Variants in IFT25 observed in about 807,000 individuals in gnomAD.
IFT25 encodes the protein intraflagellar transport 25, also known as intraflagellar transport protein 25 homolog.
At chr1:53,919,551 G>GA in the IFT25 span, among the ~76,000 whole-genome samples, 1 of 152,140 alleles carries the variant, frequency 6.6e-6, no homozygotes, top group African/African-American at 2.4e-5. Flanking sequence ...GCACAAGCCA[G>GA]AAAAAAACTG....
chr1:53,915,440 T>A, the IFT25 span, among the ~76,000 whole-genome samples: 1 of 152,184 alleles, frequency 6.6e-6, no homozygotes, highest in Non-Finnish European at 1.5e-5. Context: ...TTTCAAAGGA[T>A]ACTTGGGCCA....
At chr1:53,933,500 C>A in the IFT25 span, among the ~76,000 whole-genome samples, 1 of 152,174 alleles carries the variant, frequency 6.6e-6, no homozygotes, top group Non-Finnish European at 1.5e-5. Flanking sequence ...TGGTAATACT[C>A]CTTGTCTTAT....
chr1:53,922,320 G>A, the IFT25 span, among the ~76,000 whole-genome samples: 83 of 151,954 alleles, frequency 5.5e-4, no homozygotes, highest in Middle Eastern at 3.4e-3. Context: ...CTTGAACCCG[G>A]GAGGCAGAGA....
the IFT25 span, chr1:53,923,923 A>G: frequency 4.8e-5 from 77 of 1,595,396 alleles, no homozygotes; most frequent in South Asian, 7.9e-4. Flanking sequence ...TTCATTTTGA[A>G]GCTGCCCCTC....
At chr1:53,929,922 A>G in the IFT25 span, 2 of 1,369,168 alleles carry the variant, frequency 1.5e-6, no homozygotes, top group Non-Finnish European at 9.4e-7. Context: ...TTTTGCCAAA[A>G]GTTTACATAT....
At chr1:53,931,036 T>C in the IFT25 span, among the ~76,000 whole-genome samples, 1 of 152,198 alleles carries the variant, frequency 6.6e-6, no homozygotes, top group Non-Finnish European at 1.5e-5. Flanking sequence ...ATGTAACCAA[T>C]ACTCCAATGA....
the IFT25 span, among the ~76,000 whole-genome samples, chr1:53,934,863 G>C: frequency 6.6e-6 from 1 of 152,182 alleles, no homozygotes; most frequent in Non-Finnish European, 1.5e-5. Flanking sequence ...GCCAGGTGTA[G>C]TGGTGCACAC....
the IFT25 span, chr1:53,940,058 TCAGA>T: frequency 2.5e-5 from 40 of 1,607,052 alleles, no homozygotes; most frequent in Admixed American, 6.8e-5. Flanking sequence ...CCTTCAGAGC[TCAGA>T]CAGAGATCAA....
chr1:53,923,710 T>G, the IFT25 span: 1 of 487,838 alleles, frequency 2.0e-6, no homozygotes, highest in African/African-American at 2.0e-5. Context: ...TCACTCTCTA[T>G]GAAAGGTAAG....
At chr1:53,925,491 T>C in the IFT25 span, among the ~76,000 whole-genome samples, 1 of 150,698 alleles carries the variant, frequency 6.6e-6, no homozygotes, top group Non-Finnish European at 1.5e-5. Flanking sequence ...AAACCCCATC[T>C]CTACTAAAAA....
chr1:53,919,941 G>A, the IFT25 span, among the ~76,000 whole-genome samples: 3 of 152,028 alleles, frequency 2.0e-5, no homozygotes, highest in South Asian at 4.2e-4. Flanking sequence ...CTACAGGCAC[G>A]TACCACTCTG....
At chr1:53,921,654 T>G in the IFT25 span, 1 of 1,567,222 alleles carries the variant, frequency 6.4e-7, no homozygotes, top group East Asian at 2.2e-5. Flanking sequence ...GTTATCATTA[T>G]GAGGAAAGAT....
At chr1:53,930,889 T>C in the IFT25 span, among the ~76,000 whole-genome samples, 1 of 152,204 alleles carries the variant, frequency 6.6e-6, no homozygotes, top group East Asian at 1.9e-4. Context: ...AAATAGTATA[T>C]ATTATGGTTT....
the IFT25 span, among the ~76,000 whole-genome samples, chr1:53,942,009 A>G: frequency 1.6e-4 from 24 of 152,294 alleles, no homozygotes; most frequent in Admixed American, 5.2e-4. Flanking sequence ...AATGGAAGAA[A>G]ATGAACTTGT....
chr1:53,926,540 T>C, the IFT25 span, among the ~76,000 whole-genome samples: 1 of 152,174 alleles, frequency 6.6e-6, no homozygotes, highest in South Asian at 2.1e-4. Flanking sequence ...TAATATAATA[T>C]GAAACCCAAT....
At chr1:53,927,334 G>C in the IFT25 span, among the ~76,000 whole-genome samples, 1 of 152,206 alleles carries the variant, frequency 6.6e-6, no homozygotes, top group African/African-American at 2.4e-5. Flanking sequence ...TTTCTCCAAA[G>C]ATGAATGTTC....
At chr1:53,944,605 C>CT in the IFT25 span, among the ~76,000 whole-genome samples, 1 of 152,226 alleles carries the variant, frequency 6.6e-6, no homozygotes, top group African/African-American at 2.4e-5. Context: ...GACCGCGCCA[C>CT]TGCACTCCAG....
the IFT25 span, among the ~76,000 whole-genome samples, chr1:53,922,704 GAAGAAA>G: frequency 1.3e-5 from 2 of 152,118 alleles, 1 homozygote; most frequent in Middle Eastern, 6.8e-3. Flanking sequence ...ATGACAGAGG[GAAGAAA>G]AAGAAAATTA....
the IFT25 span, among the ~76,000 whole-genome samples, chr1:53,912,938 A>T: frequency 6.6e-6 from 1 of 152,188 alleles, no homozygotes; most frequent in African/African-American, 2.4e-5. Context: ...CTGTCCCAGG[A>T]ACCACACTTT....
Sources: gnomAD v4.1 joint callset for allele counts (sites outside exome capture counted in the v4.1 genomes callset) on GRCh38, gnomAD v4.1.1 for gene constraint, MANE v1.5 for transcripts, NCBI Gene and HGNC (gene_info 2026-07-23, HGNC 2026-07-21) for gene names.